The following CFAP70 variants were observed in gnomAD, a reference collection of about 807,000 sequenced individuals.
CFAP70 encodes the protein cilia and flagella associated protein 70.
A neutral mutation model predicts 137.6 loss-of-function variants in CFAP70; 81 were observed. The observed-to-expected ratio is 0.59, with a 90% CI of 0.49 to 0.71. The LOEUF (loss-of-function observed/expected upper bound fraction) is 0.71. CFAP70 is among the 30% of genes least tolerant of loss of function. CFAP70 has a pLI of 0.00. For missense variants in CFAP70, 976 were observed against 1,226.7 expected, an observed-to-expected ratio of 0.80 and a Z score of 3.05; for synonymous variants, 382 against 423.6, an observed-to-expected ratio of 0.90 and a Z score of 1.20.
intron 4 of CFAP70, among the ~76,000 whole-genome samples, chr10:73,346,659 G>C (rs2053740875): frequency 6.6e-6 from 1 of 151,804 alleles, no homozygotes; most frequent in African/African-American, 2.4e-5. Flanking sequence ...AAAAAAGAAT[G>C]TGTATTGAAT....
chr10:73,341,359 C>T (rs72812297), intron 6 of CFAP70, 40 bp downstream of exon 7: 93 of 1,536,012 alleles, frequency 6.1e-5, no homozygotes, highest in Non-Finnish European at 7.8e-5. Flanking sequence ...TCTGTCAGTA[C>T]ACTAAGTTTA....
At chr10:73,274,705 T>C (rs2046564675) in intron 22 of CFAP70, 111 bp from the exon 24 acceptor site, 1 of 1,052,218 alleles carries the variant, frequency 9.5e-7, no homozygotes, top group East Asian at 2.8e-5. Flanking sequence ...CCTTTCTCTT[T>C]TCTTTTTCAG....
At chr10:73,327,041 T>G (rs570853500) in intron 8 of CFAP70, among the ~76,000 whole-genome samples, 4,407 of 148,578 alleles carry the variant, frequency 0.03, 155 homozygotes, top group African/African-American at 0.096. Flanking sequence ...CCAAAAAAGA[T>G]AATTTTAGAC....
chr10:73,304,191 C>T (rs544383968), intron 12 of CFAP70, among the ~76,000 whole-genome samples: 2 of 152,138 alleles, frequency 1.3e-5, no homozygotes, highest in African/African-American at 4.8e-5. Flanking sequence ...GTAGCTGGGA[C>T]TACAGGCACC....
At chr10:73,309,339 G>A (rs2049695392) in intron 12 of CFAP70, among the ~76,000 whole-genome samples, 3 of 152,104 alleles carry the variant, frequency 2.0e-5, no homozygotes, top group Admixed American at 1.3e-4. Flanking sequence ...TTACATATAT[G>A]TATATGTAAC....
intron 8 of CFAP70, among the ~76,000 whole-genome samples, chr10:73,324,997 T>C (rs2051256099): frequency 6.6e-6 from 1 of 152,086 alleles, no homozygotes; most frequent in South Asian, 2.1e-4. Flanking sequence ...GCCACAAAGA[T>C]ACTCCTTGAG....
chr10:73,358,664 G>C (rs567599302), intron 1 of CFAP70, 114 bp downstream of exon 1: 4 of 152,748 alleles, frequency 2.6e-5, no homozygotes, highest in African/African-American at 9.6e-5. Context: ...CAGGGCTGAG[G>C]TGGGGAGGCC....
chr10:73,305,987 CAG>C (rs1396236914), intron 12 of CFAP70, among the ~76,000 whole-genome samples: 2 of 151,786 alleles, frequency 1.3e-5, no homozygotes, highest in African/African-American at 4.8e-5. Flanking sequence ...TCAGTAGAAA[CAG>C]AAATTATTTT....
At chr10:73,360,088 G>A (rs201865322), upstream of CFAP70, among the ~76,000 whole-genome samples, 23 of 152,286 alleles carry the variant, frequency 1.5e-4, no homozygotes, top group East Asian at 4.2e-3. Context: ...TGTTAGGACG[G>A]TGGGAAAAAT....
chr10:73,273,929 A>G (rs895141649), intron 23 of CFAP70, among the ~76,000 whole-genome samples: 7 of 152,336 alleles, frequency 4.6e-5, no homozygotes, highest in South Asian at 2.1e-4. Flanking sequence ...TATGTACTGA[A>G]ATTTTCCATA....
exon 7 of CFAP70, chr10:73,335,463 C>T (rs773978007): frequency 1.9e-6 from 3 of 1,611,786 alleles, no homozygotes; most frequent in Admixed American, 3.3e-5. Flanking sequence ...GTAGCAGCGA[C>T]TTTCCAAGTC....
At chr10:73,329,059 T>C (rs1465142179) in intron 8 of CFAP70, among the ~76,000 whole-genome samples, 1 of 152,010 alleles carries the variant, frequency 6.6e-6, no homozygotes, top group Non-Finnish European at 1.5e-5. Flanking sequence ...ATTGCGGCAC[T>C]ATTCACAATA....
intron 19 of CFAP70, among the ~76,000 whole-genome samples, chr10:73,288,236 T>A (rs566812654): frequency 6.6e-6 from 1 of 152,152 alleles, no homozygotes; most frequent in Non-Finnish European, 1.5e-5. Flanking sequence ...GACAATACTT[T>A]TGAAGCATGC....
exon 12 of CFAP70, chr10:73,310,164 G>A: frequency 6.2e-7 from 1 of 1,608,364 alleles, no homozygotes; most frequent in East Asian, 2.2e-5. Context: ...AAACCTTCTG[G>A]CTAGCTCCTC....
intron 8 of CFAP70, among the ~76,000 whole-genome samples, chr10:73,324,038 G>T (rs1275026345): frequency 2.0e-5 from 3 of 152,196 alleles, no homozygotes; most frequent in Non-Finnish European, 4.4e-5. Flanking sequence ...CTCTTCAAGT[G>T]GGTCCCTGAC....
chr10:73,299,123 GGTAGAC>G, intron 13 of CFAP70, 22 bp from the exon 15 acceptor site: 1 of 1,578,606 alleles, frequency 6.3e-7, no homozygotes, highest in Non-Finnish European at 8.7e-7. Context: ...CAAAACATCT[GGTAGAC>G]GCCTCAGAGA....
chr10:73,359,359 T>C (rs2054909967), upstream of CFAP70, among the ~76,000 whole-genome samples: 1 of 152,150 alleles, frequency 6.6e-6, no homozygotes, highest in South Asian at 2.1e-4. Context: ...ATTCACAAAA[T>C]GGCATATTAC....
At chr10:73,354,606 C>T (rs113886751) in intron 2 of CFAP70, 128 bp downstream of exon 2, 25 of 727,402 alleles carry the variant, frequency 3.4e-5, no homozygotes, top group African/African-American at 1.4e-4. Flanking sequence ...CAATAAGGAA[C>T]ACTGAGGCGG....
chr10:73,255,627 TTTTG>T (rs111270021), intron 26 of CFAP70, among the ~76,000 whole-genome samples: 19 of 151,906 alleles, frequency 1.3e-4, no homozygotes, highest in East Asian at 3.9e-4. Context: ...CACTACCTGT[TTTTG>T]TTTGTTTGTT....
Sources: gnomAD v4.1 joint callset for allele counts (sites outside exome capture counted in the v4.1 genomes callset) on GRCh38, gnomAD v4.1.1 for gene constraint, MANE v1.5 for transcripts, NCBI Gene and HGNC (gene_info 2026-07-23, HGNC 2026-07-21) for gene names.